The following EIF3H variants were observed in gnomAD, a reference collection of about 807,000 sequenced individuals.
The protein encoded by EIF3H is eIF-3-gamma.
EIF3H carries 26 observed loss-of-function variants against 44.2 expected under a neutral mutation model. The ratio of observed to expected loss-of-function variants is 0.59; its 90% confidence interval spans 0.43 to 0.82. The LOEUF (loss-of-function observed/expected upper bound fraction) is 0.82. Among genes scored for constraint, EIF3H ranks in the 40% least tolerant of loss-of-function variants. The pLI is 0.00. For synonymous variants in EIF3H, 166 were observed against 151.9 expected (o/e 1.09, Z -0.68); for missense variants, 359 against 432.8 (o/e 0.83, Z 1.51).
chr8:116,696,979 C>G (rs575981354), intron 2 of EIF3H: 1 of 391,060 alleles, frequency 2.6e-6, no homozygotes, highest in Admixed American at 2.9e-5. Context: ...GACACCAACC[C>G]TCTCCATATT....
At chr8:116,721,058 T>C (rs534281693) in intron 2 of EIF3H, among the ~76,000 whole-genome samples, 3 of 152,068 alleles carry the variant, frequency 2.0e-5, no homozygotes, top group Admixed American at 6.5e-5. Context: ...ATGGGAAAAA[T>C]GTCTCCAGGG....
intron 2 of EIF3H, among the ~76,000 whole-genome samples, chr8:116,698,391 T>C (rs1475286427): frequency 6.6e-6 from 1 of 152,192 alleles, no homozygotes; most frequent in Non-Finnish European, 1.5e-5. Context: ...CTCTCCTCAG[T>C]AGACACCACA....
rs961989180 is a variant in EIF3H at position 116,646,735 on chromosome 8, T to A, written c.829-132A>T. ...ACCTCAGTTTTTATCATTGGCAACA[T>A]TTGGTAACTTGCGTCTAAGAAGCTA... On this transcript the variant is annotated intron_variant, in intron 6 of 7. Transcript: ENST00000521861. 4 of 1,270,058 alleles carry A rather than the reference T, an allele frequency of 3.1e-6. No individual in the cohort carries two copies. The African/African-American group carries it at 6.0e-5, about 19-fold the overall frequency. 78.7% of individuals were successfully genotyped at this position (1,270,058 alleles called of 1,614,324 possible).
At chr8:116,667,812 A>G (rs1054011596) in intron 2 of EIF3H, among the ~76,000 whole-genome samples, 5 of 152,214 alleles carry the variant, frequency 3.3e-5, no homozygotes, top group Non-Finnish European at 7.3e-5. Context: ...ACTCTCTTCA[A>G]TAAGGTTGCC....
intron 1 of EIF3H, among the ~76,000 whole-genome samples, chr8:116,743,224 G>C (rs945155589): frequency 6.6e-6 from 1 of 152,096 alleles, no homozygotes; most frequent in Non-Finnish European, 1.5e-5. Context: ...CCAAGGCAGG[G>C]GGATCACCTT....
At chr8:116,659,572 T>C (rs1813550875) in intron 2 of EIF3H, among the ~76,000 whole-genome samples, 2 of 152,288 alleles carry the variant, frequency 1.3e-5, no homozygotes, top group South Asian at 2.1e-4. Context: ...TTTTAAAGAA[T>C]TATTTTTTCT....
At chr8:116,712,710 C>A (rs150324072) in intron 2 of EIF3H, among the ~76,000 whole-genome samples, 3 of 151,954 alleles carry the variant, frequency 2.0e-5, no homozygotes, top group African/African-American at 7.3e-5. Flanking sequence ...CAGATAAAGT[C>A]CCAAACTATC....
intron 1 of EIF3H, chr8:116,765,384 GCATTCAAT>G (rs1438582398): frequency 1.2e-4 from 19 of 152,146 alleles, no homozygotes; most frequent in African/African-American, 4.1e-4. Flanking sequence ...TGCAAACAAT[GCATTCAAT>G]CACGTTGTAA....
chr8:116,684,598 C>T (rs1814043642), intron 2 of EIF3H, among the ~76,000 whole-genome samples: 2 of 151,778 alleles, frequency 1.3e-5, no homozygotes, highest in Admixed American at 1.3e-4. Flanking sequence ...AACTGCTAGA[C>T]AATTATTGAT....
intron 1 of EIF3H, among the ~76,000 whole-genome samples, chr8:116,749,876 T>C (rs1815297888): frequency 6.6e-6 from 1 of 152,274 alleles, no homozygotes; most frequent in South Asian, 2.1e-4. Context: ...ACATTACAGA[T>C]ACAGAGGAAG....
rs777460038 is a variant in EIF3H, at chr8:116,646,518, A to G, written c.914T>C (p.Phe305Ser). Residue 305 changes from phenylalanine (F) to serine (S), a missense_variant, in exon 7 of 8, where the codon TTC (phenylalanine) becomes TCC (serine). Phe to Ser is a radical substitution (Grantham distance 155). Around this residue, in one of 5 missense-constraint regions of EIF3H, gnomAD observed 94 missense variants for 96.0 expected, o/e 0.98. Coordinates refer to ENST00000521861, the MANE Select transcript of EIF3H (RefSeq NM_003756.3). ...CCTGGCAGGCGGCTGTGGTGGTTTG[A>G]AGAGTTTGGACAGGTCCTCCTCAGG... ...PLPEEDLSKL[F>S]KPPQPPARMD... 1 of 1,614,208 alleles carries G rather than the reference A, an allele frequency of 6.2e-7. No individual in the cohort carries two copies. The highest frequency in any genetic ancestry group is 8.5e-7 in the Non-Finnish European group (1 of 1,180,042).
intron 2 of EIF3H, among the ~76,000 whole-genome samples, chr8:116,660,401 C>G (rs1813566297): frequency 6.6e-6 from 1 of 152,180 alleles, no homozygotes; most frequent in South Asian, 2.1e-4. Context: ...CAGATGGACA[C>G]AGTCTGATTT....
At chr8:116,702,984 C>A (rs1371411563) in intron 2 of EIF3H, among the ~76,000 whole-genome samples, 1 of 152,056 alleles carries the variant, frequency 6.6e-6, no homozygotes, top group Non-Finnish European at 1.5e-5. Context: ...CCCTCACATG[C>A]GCAGCTCACA....
intron 1 of EIF3H, 92 bp downstream of exon 1, chr8:116,755,574 C>T (rs1815426562): frequency 4.5e-6 from 7 of 1,562,764 alleles, no homozygotes; most frequent in Non-Finnish European, 6.1e-6. Flanking sequence ...CACACCAAGC[C>T]CAAGGGGGAG....
chr8:116,718,695 C>T (rs566636250), intron 2 of EIF3H, among the ~76,000 whole-genome samples: 4 of 130,858 alleles, frequency 3.1e-5, no homozygotes, highest in Admixed American at 9.7e-5. Flanking sequence ...GGCATAAGAC[C>T]GATACAATGG....
chr8:116,663,095 T>C (rs747345299), intron 2 of EIF3H, among the ~76,000 whole-genome samples: 1 of 152,194 alleles, frequency 6.6e-6, no homozygotes, highest in Non-Finnish European at 1.5e-5. Context: ...CTGGTGACTA[T>C]GAGGTCCTGC....
chr8:116,762,045 G>T (rs554699550), intron 1 of EIF3H, among the ~76,000 whole-genome samples: 2 of 152,276 alleles, frequency 1.3e-5, no homozygotes, highest in Admixed American at 6.5e-5. Context: ...GAAAGATTTG[G>T]TTTATTTAAC....
intron 2 of EIF3H, among the ~76,000 whole-genome samples, chr8:116,687,368 T>C (rs555013667): frequency 7.9e-5 from 12 of 152,282 alleles, no homozygotes; most frequent in African/African-American, 2.9e-4. Context: ...AGTTTACACA[T>C]TCACAAAAAT....
At chr8:116,743,643 A>C (rs1815167150) in intron 1 of EIF3H, among the ~76,000 whole-genome samples, 1 of 151,406 alleles carries the variant, frequency 6.6e-6, no homozygotes, top group African/African-American at 2.4e-5. Flanking sequence ...TTATGGTCCC[A>C]GCTACTAGGG....
Sources: gnomAD v4.1 joint callset for allele counts (sites outside exome capture counted in the v4.1 genomes callset) on GRCh38, gnomAD v4.1.1 for gene constraint, gnomAD v4.1.1 regional missense constraint, MANE v1.5 for transcripts, NCBI Gene and HGNC (gene_info 2026-07-23, HGNC 2026-07-21) for gene names.